The following OSTF1 variants were observed in gnomAD, a reference collection of about 807,000 sequenced individuals.
OSTF1 encodes osteoclast-stimulating factor 1.
A neutral mutation model predicts 37.2 loss-of-function variants in OSTF1; 27 were observed. The observed-to-expected ratio is 0.73, with a 90% confidence interval of 0.54 to 1.00. The LOEUF is 1.00. Among genes scored for constraint, OSTF1 ranks in the 50% least tolerant of loss-of-function variants. OSTF1 has a pLI of 0.00. For synonymous variants in OSTF1, 82 were observed against 89.2 expected (o/e 0.92, Z 0.46); for missense variants, 232 against 253.8 (o/e 0.91, Z 0.58).
intron 1 of OSTF1, among the ~76,000 whole-genome samples, chr9:75,112,100 G>A (rs1259850824): frequency 6.8e-6 from 1 of 146,800 alleles, no homozygotes; most frequent in Non-Finnish European, 1.5e-5. Context: ...ACAGGCATGA[G>A]CCACCGCACT....
chr9:75,144,317 AG>A, intron 9 of OSTF1, among the ~76,000 whole-genome samples: 1 of 152,256 alleles, frequency 6.6e-6, no homozygotes, highest in African/African-American at 2.4e-5. Context: ...GCACTTTGGG[AG>A]GCAGGGAGGA....
intron 2 of OSTF1, among the ~76,000 whole-genome samples, chr9:75,119,816 T>C (rs558679312): frequency 1.3e-5 from 2 of 152,222 alleles, no homozygotes; most frequent in African/African-American, 4.8e-5. Flanking sequence ...ATACGAAAAT[T>C]AGCTGGGTGT....
At chr9:75,116,108 A>G (rs1052978065) in intron 1 of OSTF1, among the ~76,000 whole-genome samples, 1 of 151,822 alleles carries the variant, frequency 6.6e-6, no homozygotes. Flanking sequence ...TGTTTCAAAT[A>G]ATAATAATTA....
intron 5 of OSTF1, among the ~76,000 whole-genome samples, chr9:75,132,134 G>C (rs1825770226): frequency 6.6e-6 from 1 of 152,240 alleles, no homozygotes; most frequent in African/African-American, 2.4e-5. Context: ...AGGGGAGAGA[G>C]AGATGTAACA....
intron 9 of OSTF1, among the ~76,000 whole-genome samples, chr9:75,142,269 A>G (rs1825955505): frequency 6.6e-6 from 1 of 152,156 alleles, no homozygotes; most frequent in African/African-American, 2.4e-5. Flanking sequence ...GGTGCTCCCC[A>G]GCTACATTAT....
chr9:75,122,577 A>G (rs1318708487), intron 2 of OSTF1, among the ~76,000 whole-genome samples: 1 of 152,190 alleles, frequency 6.6e-6, no homozygotes, highest in Non-Finnish European at 1.5e-5. Flanking sequence ...GATGGCCAAT[A>G]ATGGCTGTGT....
At chr9:75,125,352 A>G (rs1034770864) in intron 2 of OSTF1, among the ~76,000 whole-genome samples, 1 of 152,204 alleles carries the variant, frequency 6.6e-6, no homozygotes, top group Non-Finnish European at 1.5e-5. Context: ...ATCACTTTCT[A>G]TATCTATCAC....
chr9:75,115,862 G>T (rs1564160304), intron 1 of OSTF1, among the ~76,000 whole-genome samples: 1 of 151,976 alleles, frequency 6.6e-6, no homozygotes, highest in Non-Finnish European at 1.5e-5. Flanking sequence ...CCAGCACTTT[G>T]GGAGTCTCAG....
intron 1 of OSTF1, 138 bp downstream of exon 1, chr9:75,088,864 C>A: frequency 5.1e-6 from 4 of 778,082 alleles, no homozygotes; most frequent in Non-Finnish European, 6.4e-6. Flanking sequence ...CCGGGATGGG[C>A]GCTCTTAGTT....
chr9:75,090,077 G>A (rs1022698558), intron 1 of OSTF1, among the ~76,000 whole-genome samples: 4 of 152,160 alleles, frequency 2.6e-5, no homozygotes, highest in Admixed American at 2.0e-4. Context: ...CATTTTAAGT[G>A]CATATGTATG....
intron 7 of OSTF1, among the ~76,000 whole-genome samples, chr9:75,136,951 G>T (rs77721543): frequency 6.6e-6 from 1 of 152,166 alleles, no homozygotes; most frequent in East Asian, 1.9e-4. Context: ...TGAGAGAGGG[G>T]TCTTACTGTT....
intron 1 of OSTF1, among the ~76,000 whole-genome samples, chr9:75,116,888 A>G (rs1240032968): frequency 6.6e-6 from 1 of 152,150 alleles, no homozygotes; most frequent in African/African-American, 2.4e-5. Context: ...CACTTAAGAA[A>G]TATTAAAAAA....
chr9:75,096,996 A>G (rs1274731503), intron 1 of OSTF1, among the ~76,000 whole-genome samples: 1 of 152,110 alleles, frequency 6.6e-6, no homozygotes, highest in Non-Finnish European at 1.5e-5. Context: ...TATTGTTTGG[A>G]TGAGTCAGTG....
rs1028442462 is a variant in OSTF1, at chr9:75,146,877, A to G, written c.*136A>G. 11 of 584,270 alleles carry G rather than the reference A, an allele frequency of 1.9e-5. No individual in the cohort carries two copies. The East Asian group carries it at 2.9e-4, about 15-fold the overall frequency. The allele number at this position is 584,270 out of a possible 1,614,324, so 36.2% of individuals were successfully genotyped here. A position where few individuals can be genotyped will look rare whatever the true frequency, so the allele number is the denominator to read the frequency against. On this transcript the variant is annotated 3_prime_UTR_variant, in exon 10 of 10. Transcript: ENST00000346234. Reference sequence around the variant, plus strand: ...GCAGTGTTGCACTGTGTTTGAGTAGAACGTGTAAATGAATTGTTCCCACCT... The same window carrying G: ...GCAGTGTTGCACTGTGTTTGAGTAGGACGTGTAAATGAATTGTTCCCACCT...
chr9:75,142,866 T>G (rs1490400408), intron 9 of OSTF1, among the ~76,000 whole-genome samples: 2 of 152,220 alleles, frequency 1.3e-5, no homozygotes, highest in Non-Finnish European at 2.9e-5. Context: ...GGAATAGGTT[T>G]GGACTATTTG....
At chr9:75,138,867 G>C (rs7862639) in intron 8 of OSTF1, among the ~76,000 whole-genome samples, 21,134 of 151,694 alleles carry the variant, frequency 0.14, 2,272 homozygotes, top group African/African-American at 0.3. Context: ...AGGAGTTTTT[G>C]ATCTGTAGCA....
At chr9:75,131,549 T>C (rs1825761360) in intron 4 of OSTF1, among the ~76,000 whole-genome samples, 1 of 152,228 alleles carries the variant, frequency 6.6e-6, no homozygotes, top group Non-Finnish European at 1.5e-5. Context: ...TGTTATTGCC[T>C]TATTGCTTGG....
intron 2 of OSTF1, among the ~76,000 whole-genome samples, chr9:75,127,263 T>C (rs1825675868): frequency 6.6e-6 from 1 of 152,228 alleles, no homozygotes; most frequent in Admixed American, 6.5e-5. Flanking sequence ...TTAGAATTTC[T>C]ACAAGGAAGA....
At chr9:75,126,410 G>A (rs1564164095) in intron 2 of OSTF1, among the ~76,000 whole-genome samples, 5 of 151,916 alleles carry the variant, frequency 3.3e-5, no homozygotes, top group Admixed American at 2.6e-4. Context: ...TGAAATTTGT[G>A]TCCTACATTT....
Sources: gnomAD v4.1 joint callset for allele counts (sites outside exome capture counted in the v4.1 genomes callset) on GRCh38, gnomAD v4.1.1 for gene constraint, MANE v1.5 for transcripts, NCBI Gene and HGNC (gene_info 2026-07-23, HGNC 2026-07-21) for gene names.